MBNL3: variants seen among roughly 807,000 people sequenced by gnomAD.
MBNL3 encodes muscleblind-like protein 3.
A neutral mutation model predicts 24.5 loss-of-function variants in MBNL3; 6 were observed. The observed-to-expected ratio is 0.25, with a 90% CI of 0.13 to 0.48. MBNL3 has a LOEUF of 0.48. Ranked by LOEUF, MBNL3 falls within the 20% of genes least tolerant of loss-of-function variation. The probability of loss-of-function intolerance (pLI) is 0.99; values close to 1 mark genes in which losing one functional copy is unlikely to be tolerated. For missense variants in MBNL3, 230 were observed against 293.5 expected (o/e 0.78, Z 1.58); for synonymous variants, 100 against 101.7 (o/e 0.98, Z 0.10).
At chrX:132,397,740 T>C (rs1281031181) in intron 3 of MBNL3, among the ~76,000 whole-genome samples, 3 of 111,352 alleles carry the variant, frequency 2.7e-5, no homozygotes, top group African/African-American at 9.8e-5. Context: ...CAAAATGCAC[T>C]GAAATCCATA....
At chrX:132,452,046 A>T (rs1364583532) in intron 1 of MBNL3, among the ~76,000 whole-genome samples, 1 of 110,961 alleles carries the variant, frequency 9.0e-6, no homozygotes, top group Non-Finnish European at 1.9e-5. Flanking sequence ...CCTCAGTTGG[A>T]AATGCAGAAA....
At chrX:132,480,416 GC>G (rs1947667215) in intron 1 of MBNL3, among the ~76,000 whole-genome samples, 1 of 112,059 alleles carries the variant, frequency 8.9e-6, no homozygotes, top group South Asian at 3.7e-4. Flanking sequence ...TTTTCAAGTA[GC>G]TGTAACACCT....
chrX:132,466,754 T>C (rs1176558175), intron 1 of MBNL3, among the ~76,000 whole-genome samples: 1 of 111,613 alleles, frequency 9.0e-6, no homozygotes, highest in Admixed American at 9.5e-5. Flanking sequence ...GAAAAACTGT[T>C]CAGCAAAAGG....
rs183286719 is a variant in MBNL3 at position 132,473,802 on chromosome X, C to T, written c.-704+15049G>A. ...GGCAAAATAAACACAGTTTTGAAAA[C>T]GCTGGTTTAGATCATTAGTATCTCT... On this transcript the variant is annotated intron_variant, in intron 1 of 8. Coordinates refer to ENST00000370853, the MANE Select transcript of MBNL3 (RefSeq NM_001386889.1). Among the ~76,000 whole-genome samples the T allele has an allele frequency of 2.9e-4, 32 of 111,432 alleles. 2 individuals are homozygous for T. The highest frequency in any genetic ancestry group is 2.8e-3 in the East Asian group (10 of 3,581).
chrX:132,406,862 C>G (rs140132554), intron 2 of MBNL3, among the ~76,000 whole-genome samples: 2,771 of 111,604 alleles, frequency 0.025, 69 homozygotes, highest in African/African-American at 0.085. Context: ...AACTCATGAG[C>G]AGTATATAAA....
intron 1 of MBNL3, among the ~76,000 whole-genome samples, chrX:132,480,729 T>C (rs1947684289): frequency 8.9e-6 from 1 of 111,800 alleles, no homozygotes. Context: ...GGTCGCTTCC[T>C]GGCATTTAAT....
Position 132,390,856 on chromosome X carries a change from G to C in MBNL3, c.762C>G (p.Ala254=). 8.3e-7 allele frequency: 1 copy of C among 1,207,980 alleles called. No homozygotes were observed. Residue 254 remains alanine, a synonymous_variant, in exon 5 of 9, where the codon GCC becomes GCG. Transcript: ENST00000370853. ...GCAGGCCTTTTCTTACCATGGCAGA[G>C]GCAGCTGAATGGTTCATCTGATGAT... The part of the protein sequence containing the change: ...AAHHQMNHSA[A]SAMALQPGTL...
chrX:132,392,370 T>TAAAG (rs1937323593), intron 3 of MBNL3, 36 bp from the exon 4 acceptor site: 1 of 1,051,875 alleles, frequency 9.5e-7, no homozygotes, highest in African/African-American at 1.9e-5. Context: ...ATGTTAGAGG[T>TAAAG]AAAGATTCTT....
chrX:132,377,807 T>TTATATATA lies in MBNL3; in HGVS notation c.*1851_*1858dup, dbSNP rs752172992. ...TCATTTTCATGAAGGAGAAAAACCA[T>TTATATATA]TATATATATATATATATATGTATAT... On this transcript the variant is annotated 3_prime_UTR_variant, in exon 9 of 9. Coordinates refer to ENST00000370853, the MANE Select transcript of MBNL3 (RefSeq NM_001386889.1). The TTATATATA allele has an allele frequency of 9.6e-6, 1 of 104,477 alleles. No individual in the cohort carries two copies. Among genetic ancestry groups the TTATATATA allele is most frequent in the African/African-American group, 3.5e-5 (1 of 28,946 alleles). 8.6% of individuals were successfully genotyped at this position (104,477 alleles called of 1,213,427 possible). A position where few individuals can be genotyped will look rare whatever the true frequency, so the allele number is the denominator to read the frequency against.
chrX:132,391,075 T>G lies in MBNL3; in HGVS notation c.543A>C (p.Arg181=). The change falls in exon 5 of 9, where the codon CGA becomes CGC. Residue 181 remains arginine, a synonymous_variant. Coordinates refer to ENST00000370853, the MANE Select transcript of MBNL3 (RefSeq NM_001386889.1). ...GGGTACAATTTCCACGCTGAAATTCTCGGCAAACCTTAGAACACACACATG... is the reference window on the plus strand; with the variant it reads ...GGGTACAATTTCCACGCTGAAATTCGCGGCAAACCTTAGAACACACACATG... ...LMRSDKLEVC[R]EFQRGNCTRG... 1 of 1,207,058 alleles carries G rather than the reference T, an allele frequency of 8.3e-7. No individual in the cohort carries two copies. Among genetic ancestry groups the G allele is most frequent in the Non-Finnish European group, 1.1e-6 (1 of 892,088 alleles).
chrX:132,415,981 A>AT (rs939224757), intron 2 of MBNL3, among the ~76,000 whole-genome samples: 2 of 104,283 alleles, frequency 1.9e-5, no homozygotes, highest in African/African-American at 3.7e-5. Flanking sequence ...CTATATATAT[A>AT]AAAAAAAAAC....
At chrX:132,455,939 T>G (rs946314221) in intron 1 of MBNL3, among the ~76,000 whole-genome samples, 2 of 112,051 alleles carry the variant, frequency 1.8e-5, no homozygotes, top group Non-Finnish European at 3.8e-5. Flanking sequence ...CAACATCTTC[T>G]TTGCACACAT....
intron 3 of MBNL3, among the ~76,000 whole-genome samples, chrX:132,396,592 C>CTATATATATTCA (rs1938808125): frequency 9.8e-5 from 4 of 40,912 alleles, no homozygotes; most frequent in Non-Finnish European, 1.6e-4. Context: ...ATATATATTC[C>CTATATATATTCA]TATATATATT....
At chrX:132,387,310 A>G (rs1455710063) in intron 5 of MBNL3, among the ~76,000 whole-genome samples, 2 of 104,988 alleles carry the variant, frequency 1.9e-5, no homozygotes, top group Non-Finnish European at 3.9e-5. Context: ...GTCCAACTAC[A>G]TGAGCAGTAG....
intron 2 of MBNL3, chrX:132,431,833 C>T (rs759875406): frequency 8.9e-6 from 1 of 111,790 alleles, no homozygotes; most frequent in East Asian, 2.8e-4. Flanking sequence ...TTCATCCTAA[C>T]CTTCCCTTTT....
intron 2 of MBNL3, among the ~76,000 whole-genome samples, chrX:132,408,501 G>A (rs1023261888): frequency 1.8e-5 from 2 of 110,951 alleles, no homozygotes; most frequent in Non-Finnish European, 3.8e-5. Flanking sequence ...AGAATAATTG[G>A]AATTTCACCA....
At chrX:132,445,750 T>C (rs1945674991) in intron 1 of MBNL3, among the ~76,000 whole-genome samples, 1 of 111,783 alleles carries the variant, frequency 8.9e-6, no homozygotes, top group Admixed American at 9.5e-5. Flanking sequence ...CATTTTTAAA[T>C]AGTACAAGAA....
chrX:132,441,431 A>G (rs1047778814), intron 1 of MBNL3, among the ~76,000 whole-genome samples: 1 of 112,395 alleles, frequency 8.9e-6, no homozygotes, highest in Non-Finnish European at 1.9e-5. Flanking sequence ...AACAAGATGC[A>G]GAGCTTTCTT....
At chrX:132,488,120 A>G (rs1948102713) in intron 1 of MBNL3, among the ~76,000 whole-genome samples, 1 of 112,075 alleles carries the variant, frequency 8.9e-6, no homozygotes, top group Admixed American at 9.4e-5. Flanking sequence ...AAACGATGTA[A>G]GAACATCTAG....
Sources: allele counts gnomAD v4.1 joint callset (sites outside exome capture counted in the v4.1 genomes callset), GRCh38; gene constraint gnomAD v4.1.1; transcripts MANE v1.5; gene names NCBI Gene and HGNC (gene_info 2026-07-23, HGNC 2026-07-21).